ATF7IP: variants seen among roughly 807,000 people sequenced by gnomAD.
ATF7IP encodes activating transcription factor 7-interacting protein 1.
A neutral mutation model predicts 106.4 loss-of-function variants in ATF7IP; 23 were observed. The observed-to-expected ratio is 0.22, with a 90% CI of 0.16 to 0.31. ATF7IP has a LOEUF of 0.31. Ranked by LOEUF, ATF7IP falls within the 10% of genes least tolerant of loss-of-function variation. ATF7IP has a pLI of 1.00. For missense variants in ATF7IP, 1,334 were observed against 1,524.3 expected, an observed-to-expected ratio of 0.88 and a Z score of 2.08; for synonymous variants, 542 against 539.0, an observed-to-expected ratio of 1.01 and a Z score of -0.08.
chr12:14,470,214 G>A (rs1943989624), intron 10 of ATF7IP, among the ~76,000 whole-genome samples: 1 of 152,162 alleles, frequency 6.6e-6, no homozygotes, highest in Admixed American at 6.5e-5. Flanking sequence ...ATTTGCTGAA[G>A]TGTGCCTTTC....
intron 1 of ATF7IP, among the ~76,000 whole-genome samples, chr12:14,386,473 C>G (rs1208572339): frequency 2.6e-5 from 4 of 152,104 alleles, no homozygotes; most frequent in Non-Finnish European, 4.4e-5. Context: ...ACTTATATGA[C>G]ATAGAACAGT....
intron 1 of ATF7IP, among the ~76,000 whole-genome samples, chr12:14,374,689 C>G (rs1014447585): frequency 3.3e-5 from 5 of 152,044 alleles, no homozygotes; most frequent in Middle Eastern, 3.2e-3. Context: ...TGTTCAAAAT[C>G]TTAGAGCCAG....
intron 6 of ATF7IP, among the ~76,000 whole-genome samples, chr12:14,447,310 G>A (rs999363993): frequency 8.3e-6 from 1 of 120,498 alleles, no homozygotes; most frequent in Non-Finnish European, 1.6e-5. Flanking sequence ...TTGAGATGGA[G>A]TCTCTCTGTC....
intron 1 of ATF7IP, among the ~76,000 whole-genome samples, chr12:14,408,990 G>T (rs1940764047): frequency 6.6e-6 from 1 of 151,850 alleles, no homozygotes. Context: ...TTCTTCTTTT[G>T]TGAAATGACC....
chr12:14,455,296 C>T (rs1383548630), intron 6 of ATF7IP, among the ~76,000 whole-genome samples: 1 of 150,714 alleles, frequency 6.6e-6, no homozygotes, highest in Non-Finnish European at 1.5e-5. Flanking sequence ...TTTTAATGTG[C>T]TTTTCTCTTG....
In ATF7IP at chr12:14,458,921, A is replaced by G. The variant is rs1051791842; in HGVS notation, c.2159-1574A>G. Among the ~76,000 whole-genome samples the G allele has an allele frequency of 1.8e-4, 27 of 152,152 alleles. 1 individual carries two copies. Among genetic ancestry groups the G allele is most frequent in the Admixed American group, 1.8e-3 (27 of 15,268 alleles). On this transcript the variant is annotated intron_variant, in intron 8 of 14. Transcript: ENST00000261168. ...GAAAACTATTCACCAAGTTATGCAA[A>G]TCTTCCAAATGACACATTTTATTAA...
chr12:14,414,186 T>A (rs1941073990), intron 1 of ATF7IP, among the ~76,000 whole-genome samples: 1 of 152,240 alleles, frequency 6.6e-6, no homozygotes, highest in Admixed American at 6.5e-5. Context: ...TTGCATGATA[T>A]TTTATAATTA....
chr12:14,432,734 T>C (rs1244550941), intron 2 of ATF7IP, among the ~76,000 whole-genome samples: 1 of 152,212 alleles, frequency 6.6e-6, no homozygotes, highest in Admixed American at 6.5e-5. Context: ...GGAGAAGAAA[T>C]GTCTTATCAG....
chr12:14,373,289 T>C (rs767777600), intron 1 of ATF7IP, among the ~76,000 whole-genome samples: 14 of 137,442 alleles, frequency 1.0e-4, no homozygotes, highest in Non-Finnish European at 1.8e-4. Context: ...TCCATTCCTG[T>C]TGTTTAAAGA....
intron 5 of ATF7IP, among the ~76,000 whole-genome samples, chr12:14,440,123 A>G (rs964603998): frequency 6.6e-6 from 1 of 152,152 alleles, no homozygotes; most frequent in Admixed American, 6.5e-5. Context: ...ATTCTTGGAA[A>G]CCGATCCCTC....
chr12:14,407,358 G>GT (rs556878116), intron 1 of ATF7IP, among the ~76,000 whole-genome samples: 194 of 147,354 alleles, frequency 1.3e-3, no homozygotes, highest in African/African-American at 3.1e-3. Flanking sequence ...AAATTAAAAG[G>GT]TTTTTTTTTT....
intron 3 of ATF7IP, among the ~76,000 whole-genome samples, chr12:14,435,830 A>G (rs1458843361): frequency 1.3e-5 from 2 of 152,202 alleles, no homozygotes; most frequent in Non-Finnish European, 1.5e-5. Context: ...TCATGACACA[A>G]TTGTGAGGCA....
chr12:14,400,714 A>G (rs1222273283), intron 1 of ATF7IP, among the ~76,000 whole-genome samples: 3 of 152,200 alleles, frequency 2.0e-5, no homozygotes, highest in Non-Finnish European at 4.4e-5. Context: ...TGCTGTGTCA[A>G]AATGATGCAC....
chr12:14,486,741 T>C (rs899694864), intron 13 of ATF7IP, among the ~76,000 whole-genome samples: 2 of 152,176 alleles, frequency 1.3e-5, no homozygotes, highest in Admixed American at 6.5e-5. Context: ...CACCTTGCCT[T>C]TGACAGTTGA....
Position 14,498,144 on chromosome 12 carries a change from A to T in ATF7IP, c.*71A>T. ...GGTCTTGTTTTTAATCTTGTGCATG[A>T]TACCCCATGTAAAATCCACCTTGTG... On this transcript the variant is annotated 3_prime_UTR_variant, in exon 15 of 15. Coordinates refer to ENST00000261168, the MANE Select transcript of ATF7IP (RefSeq NM_018179.5). 7.1e-7 allele frequency: 1 copy of T among 1,401,948 alleles called. No homozygotes were observed. The highest frequency in any genetic ancestry group is 9.6e-7 in the Non-Finnish European group (1 of 1,036,332). The allele number at this position is 1,401,948 out of a possible 1,614,324, so 86.8% of individuals were successfully genotyped here.
chr12:14,499,174 G>A lies in ATF7IP; in HGVS notation c.*1101G>A, dbSNP rs1476711601. ...TCAAGTGATTTTTAAACCAAGGTGTGTGTATGTACATGGATGTGTATGTAC... is the reference window on the plus strand; with the variant it reads ...TCAAGTGATTTTTAAACCAAGGTGTATGTATGTACATGGATGTGTATGTAC... On this transcript the variant is annotated 3_prime_UTR_variant, in exon 15 of 15. Coordinates refer to ENST00000261168, the MANE Select transcript of ATF7IP (RefSeq NM_018179.5). The A allele has an allele frequency of 2.6e-5, 4 of 152,140 alleles. No individual in the cohort carries two copies. Among genetic ancestry groups the A allele is most frequent in the African/African-American group, 9.7e-5 (4 of 41,410 alleles). The allele number at this position is 152,140 out of a possible 1,614,324, so 9.4% of individuals were successfully genotyped here.
At chr12:14,386,747 A>C (rs1200947702) in intron 1 of ATF7IP, among the ~76,000 whole-genome samples, 1 of 152,186 alleles carries the variant, frequency 6.6e-6, no homozygotes, top group Non-Finnish European at 1.5e-5. Flanking sequence ...GAGATCGTAC[A>C]TGACAATTAT....
chr12:14,456,126 A>T (rs566593209), intron 6 of ATF7IP, among the ~76,000 whole-genome samples: 3 of 152,300 alleles, frequency 2.0e-5, no homozygotes, highest in South Asian at 4.1e-4. Flanking sequence ...GTGACATTGG[A>T]TACCACTTAT....
At chr12:14,441,843 A>G (rs543554692) in intron 5 of ATF7IP, among the ~76,000 whole-genome samples, 48 of 152,264 alleles carry the variant, frequency 3.2e-4, no homozygotes, top group East Asian at 5.8e-4. Flanking sequence ...TATTAGATAC[A>G]TGATTGCAAA....
Sources: allele counts gnomAD v4.1 joint callset (sites outside exome capture counted in the v4.1 genomes callset), GRCh38; gene constraint gnomAD v4.1.1; transcripts MANE v1.5; gene names NCBI Gene and HGNC (gene_info 2026-07-23, HGNC 2026-07-21).